The following DOCK4 variants were observed in gnomAD, a reference collection of about 807,000 sequenced individuals.
The protein encoded by DOCK4 is dedicator of cytokinesis 4.
A neutral mutation model predicts 268.1 loss-of-function variants in DOCK4; 97 were observed. The observed-to-expected ratio is 0.36, with a 90% CI of 0.31 to 0.43. DOCK4 has a LOEUF of 0.43. Ranked by LOEUF, DOCK4 falls within the 20% of genes least tolerant of loss-of-function variation. The pLI is 1.00. For synonymous variants in DOCK4, 954 were observed against 887.2 expected, an observed-to-expected ratio of 1.08 and a Z score of -1.34; for missense variants, 2,145 against 2,455.7, an observed-to-expected ratio of 0.87 and a Z score of 2.67.
intron 16 of DOCK4, among the ~76,000 whole-genome samples, chr7:111,894,122 T>C (rs1808522387): frequency 6.6e-6 from 1 of 151,136 alleles, no homozygotes; most frequent in Admixed American, 6.6e-5. Context: ...GTCAGGAGGC[T>C]GAGGCAGGAG....
chr7:111,775,661 T>C (rs982162360), intron 36 of DOCK4, among the ~76,000 whole-genome samples: 2 of 152,186 alleles, frequency 1.3e-5, no homozygotes, highest in Non-Finnish European at 2.9e-5. Flanking sequence ...GTCGGAGTAC[T>C]GGGTAGAAGA....
At chr7:111,776,559 G>A (rs547700392) in intron 36 of DOCK4, among the ~76,000 whole-genome samples, 21 of 152,206 alleles carry the variant, frequency 1.4e-4, no homozygotes, top group Non-Finnish European at 2.5e-4. Context: ...AACACCAAAA[G>A]GCCCAACATT....
chr7:111,785,104 C>T (rs551126456), intron 32 of DOCK4, among the ~76,000 whole-genome samples: 4 of 152,156 alleles, frequency 2.6e-5, no homozygotes, highest in Non-Finnish European at 5.9e-5. Context: ...TCTGTCTTGT[C>T]TCCTCCTGTG....
Position 111,728,207 on chromosome 7 carries a change from T to G in DOCK4, c.*67A>C. The G allele has an allele frequency of 1.6e-6, 2 of 1,263,406 alleles. No individual in the cohort carries two copies. The highest frequency in any genetic ancestry group is 2.1e-6 in the Non-Finnish European group (2 of 963,166). 78.3% of individuals were successfully genotyped at this position (1,263,406 alleles called of 1,614,324 possible). ...GTTATTAAAGTGCCTACACTAAATGTCTTCTCATCATACTTCTTATTTTGT... is the reference window on the plus strand; with the variant it reads ...GTTATTAAAGTGCCTACACTAAATGGCTTCTCATCATACTTCTTATTTTGT... On this transcript the variant is annotated 3_prime_UTR_variant, in exon 53 of 53. Transcript: ENST00000428084.
intron 1 of DOCK4, among the ~76,000 whole-genome samples, chr7:112,008,096 TTAG>T (rs1316113656): frequency 6.6e-6 from 1 of 152,166 alleles, no homozygotes; most frequent in Non-Finnish European, 1.5e-5. Flanking sequence ...AAATTGATCC[TTAG>T]TAGCTACAGG....
intron 7 of DOCK4, among the ~76,000 whole-genome samples, chr7:111,977,860 A>G (rs1479116490): frequency 6.6e-6 from 1 of 152,190 alleles, no homozygotes; most frequent in Non-Finnish European, 1.5e-5. Flanking sequence ...CTATAGGGAG[A>G]AACCTAGGAA....
At chr7:112,107,394 G>A (rs938199695) in intron 1 of DOCK4, among the ~76,000 whole-genome samples, 14 of 152,166 alleles carry the variant, frequency 9.2e-5, no homozygotes, top group Non-Finnish European at 1.8e-4. Context: ...AGACACTAGG[G>A]AGGAAGGCAC....
At chr7:111,945,642 G>C in intron 9 of DOCK4, 75 bp downstream of exon 9, 1 of 1,253,772 alleles carries the variant, frequency 8.0e-7, no homozygotes, top group Non-Finnish European at 1.1e-6. Flanking sequence ...TTCTCTCACA[G>C]TAATTTATTT....
chr7:112,168,574 G>A (rs533767471), intron 1 of DOCK4, among the ~76,000 whole-genome samples: 1 of 152,086 alleles, frequency 6.6e-6, no homozygotes, highest in Non-Finnish European at 1.5e-5. Flanking sequence ...GCATGGTGGC[G>A]CATGCCTGGG....
At chr7:112,146,545 A>T (rs2116338921) in intron 1 of DOCK4, among the ~76,000 whole-genome samples, 1 of 152,240 alleles carries the variant, frequency 6.6e-6, no homozygotes, top group African/African-American at 2.4e-5. Context: ...CAGCCTAGGC[A>T]ATGTGGCGAA....
At chr7:112,041,433 C>T (rs1804345606) in intron 1 of DOCK4, among the ~76,000 whole-genome samples, 1 of 152,150 alleles carries the variant, frequency 6.6e-6, no homozygotes, top group Non-Finnish European at 1.5e-5. Context: ...TATGAATACA[C>T]AACAAATTTC....
intron 1 of DOCK4, among the ~76,000 whole-genome samples, chr7:112,056,644 G>C (rs1399824051): frequency 1.3e-5 from 2 of 152,124 alleles, no homozygotes; most frequent in African/African-American, 2.4e-5. Context: ...TTACAAACAA[G>C]ATTATCTTGG....
chr7:112,019,522 C>T (rs1168540066), intron 1 of DOCK4, among the ~76,000 whole-genome samples: 3 of 152,050 alleles, frequency 2.0e-5, no homozygotes, highest in African/African-American at 7.2e-5. Flanking sequence ...AAAAAGCAAT[C>T]TATATAAATG....
intron 1 of DOCK4, among the ~76,000 whole-genome samples, chr7:112,145,404 T>C (rs910829326): frequency 6.6e-6 from 1 of 152,158 alleles, no homozygotes; most frequent in Non-Finnish European, 1.5e-5. Flanking sequence ...AGGCCTAAGA[T>C]TGGTTTGGCT....
intron 8 of DOCK4, among the ~76,000 whole-genome samples, chr7:111,959,953 C>T (rs939810589): frequency 1.7e-4 from 26 of 152,304 alleles, no homozygotes; most frequent in Non-Finnish European, 2.9e-4. Context: ...CCCATTGGTG[C>T]GGCCATCACT....
chr7:112,029,029 T>C (rs965267484), intron 1 of DOCK4, among the ~76,000 whole-genome samples: 2 of 152,212 alleles, frequency 1.3e-5, no homozygotes, highest in African/African-American at 4.8e-5. Flanking sequence ...AGGTACAATT[T>C]TGAGTTTTTC....
intron 12 of DOCK4, among the ~76,000 whole-genome samples, chr7:111,928,531 C>G (rs866021433): frequency 6.7e-6 from 1 of 150,266 alleles, no homozygotes; most frequent in Non-Finnish European, 1.5e-5. Context: ...TGATTTAGAT[C>G]GAAGGAAACA....
chr7:111,983,856 GCGCGCGCA>G (rs1798814916), intron 7 of DOCK4, among the ~76,000 whole-genome samples: 4 of 92,096 alleles, frequency 4.3e-5, no homozygotes, highest in African/African-American at 1.5e-4. Flanking sequence ...GCGCGCGCGC[GCGCGCGCA>G]CACACACACA....
chr7:111,962,795 G>A (rs998934918), intron 8 of DOCK4, among the ~76,000 whole-genome samples: 4 of 152,324 alleles, frequency 2.6e-5, no homozygotes, highest in Admixed American at 1.3e-4. Flanking sequence ...ATGAAGTGAT[G>A]TTAGGAAAAA....
Sources: gnomAD v4.1 joint callset for allele counts (sites outside exome capture counted in the v4.1 genomes callset) on GRCh38, gnomAD v4.1.1 for gene constraint, MANE v1.5 for transcripts, NCBI Gene and HGNC (gene_info 2026-07-23, HGNC 2026-07-21) for gene names.